The following NAV3 variants were observed in gnomAD, a reference collection of about 807,000 sequenced individuals.
NAV3 encodes the protein neuron navigator 3, also known as pore membrane and/or filament interacting like protein 1.
In NAV3, 87 loss-of-function variants were observed where a neutral mutation model predicts 244.7. The ratio of observed to expected loss-of-function variants is 0.36; its 90% confidence interval spans 0.30 to 0.42. The LOEUF (loss-of-function observed/expected upper bound fraction) is 0.42. Among genes scored for constraint, NAV3 ranks in the 20% least tolerant of loss-of-function variants. The pLI is 1.00. For synonymous variants in NAV3, 1,126 were observed against 1,042.2 expected (o/e 1.08, Z -1.55); for missense variants, 2,663 against 2,893.3 (o/e 0.92, Z 1.83).
rs564519993 is a variant in NAV3, at chr12:77,917,487, C to T, written c.244-22832C>T. On this transcript the variant is annotated intron_variant, in intron 1 of 39. Coordinates refer to ENST00000397909, the MANE Select transcript of NAV3 (RefSeq NM_001024383.2). ...CAGTTTTGTTCAATTATTTATGTATCGAGGGTTATTTCTCTGCTTAAGATT... is the reference window on the plus strand; with the variant it reads ...CAGTTTTGTTCAATTATTTATGTATTGAGGGTTATTTCTCTGCTTAAGATT... 5.3e-5 allele frequency among the ~76,000 whole-genome samples: 8 copies of T among 152,044 alleles called. No homozygotes were observed. The South Asian group carries it at 8.3e-4, about 16-fold the overall frequency.
intron 1 of NAV3, among the ~76,000 whole-genome samples, chr12:77,873,744 G>GTGTATGTATA (rs776225440): frequency 1.4e-5 from 1 of 73,180 alleles, no homozygotes; most frequent in African/African-American, 4.5e-5. Context: ...ATGTGTGTGT[G>GTGTATGTATA]TATATATATA....
chr12:77,648,393 G>A (rs958186094), intron 2 of NAV3, among the ~76,000 whole-genome samples: 1 of 151,980 alleles, frequency 6.6e-6, no homozygotes, highest in Non-Finnish European at 1.5e-5. Flanking sequence ...GGTGTTTTAT[G>A]TCAAAAATAT....
At chr12:77,626,952 A>T (rs1435871833) in intron 2 of NAV3, among the ~76,000 whole-genome samples, 1 of 152,190 alleles carries the variant, frequency 6.6e-6, no homozygotes, top group Non-Finnish European at 1.5e-5. Context: ...ACCAAATGGT[A>T]AAGCCAAACA....
At position 77,968,797 on chromosome 12, in the gene NAV3, T is replaced by A; in HGVS notation, c.671+95T>A. On this transcript the variant is annotated intron_variant, in intron 5 of 39. Coordinates refer to ENST00000397909, the MANE Select transcript of NAV3 (RefSeq NM_001024383.2). ...TTGTCCATGAGTTTGAAAAACGTACTCATGTGCTTGTATCAGTGTGATGGG... is the reference window on the plus strand; with the variant it reads ...TTGTCCATGAGTTTGAAAAACGTACACATGTGCTTGTATCAGTGTGATGGG... The A allele has an allele frequency of 1.1e-5, 13 of 1,205,580 alleles. No individual in the cohort carries two copies. The South Asian group carries it at 1.8e-4, about 16-fold the overall frequency. 74.7% of individuals were successfully genotyped at this position (1,205,580 alleles called of 1,614,324 possible). A position where few individuals can be genotyped will look rare whatever the true frequency, so the allele number is the denominator to read the frequency against.
At chr12:77,824,241 A>AT (rs61710960) in intron 2 of NAV3, among the ~76,000 whole-genome samples, 25,734 of 105,084 alleles carry the variant, frequency 0.24, 3,364 homozygotes, top group South Asian at 0.34. Flanking sequence ...GCCCAACTAA[A>AT]TTTTTTTTTT....
chr12:78,068,815 C>T (rs1375615711), intron 12 of NAV3, among the ~76,000 whole-genome samples: 1 of 151,154 alleles, frequency 6.6e-6, no homozygotes. Context: ...TAAAAGAGCA[C>T]TTATATGAGG....
intron 2 of NAV3, among the ~76,000 whole-genome samples, chr12:77,753,433 C>G (rs1445700328): frequency 6.6e-6 from 1 of 152,150 alleles, no homozygotes; most frequent in Admixed American, 6.5e-5. Context: ...AACTGTTGAA[C>G]TTAGCAGTAG....
intron 8 of NAV3, among the ~76,000 whole-genome samples, chr12:78,015,494 A>AT (rs34665457): frequency 0.26 from 39,067 of 151,586 alleles, 5,350 homozygotes; most frequent in Admixed American, 0.35. Flanking sequence ...TATTAAATGT[A>AT]TTTTTTTTGT....
intron 28 of NAV3, among the ~76,000 whole-genome samples, chr12:78,178,123 G>A (rs1344872091): frequency 6.7e-6 from 1 of 149,564 alleles, no homozygotes; most frequent in Non-Finnish European, 1.5e-5. Flanking sequence ...TCTGATAATA[G>A]TTATATTAAT....
intron 2 of NAV3, among the ~76,000 whole-genome samples, chr12:77,790,774 C>A (rs1871143574): frequency 6.6e-6 from 1 of 152,198 alleles, no homozygotes; most frequent in South Asian, 2.1e-4. Context: ...TGACTCTCAA[C>A]TCAGTGTCTA....
intron 22 of NAV3, among the ~76,000 whole-genome samples, chr12:78,153,325 T>G (rs1190745865): frequency 6.6e-6 from 1 of 152,010 alleles, no homozygotes; most frequent in Non-Finnish European, 1.5e-5. Flanking sequence ...CCCTCCCTTT[T>G]GTAAAGTTGT....
At chr12:77,856,525 G>A (rs1166716338) in intron 1 of NAV3, among the ~76,000 whole-genome samples, 1 of 151,840 alleles carries the variant, frequency 6.6e-6, no homozygotes, top group Non-Finnish European at 1.5e-5. Context: ...CTCAATCTTT[G>A]AATTTAAAAT....
At chr12:78,031,596 G>A (rs1311962059) in intron 9 of NAV3, among the ~76,000 whole-genome samples, 1 of 151,852 alleles carries the variant, frequency 6.6e-6, no homozygotes, top group Admixed American at 6.6e-5. Context: ...GGACATGGAT[G>A]AAATTGGAAA....
chr12:77,845,089 C>T lies in NAV3; in HGVS notation c.243+13385C>T, dbSNP rs116353617. ...AGAATATCAATAAGCATAGAACTAA[C>T]GAGAAAAATTTACACACAGTTTTGT... On this transcript the variant is annotated intron_variant, in intron 1 of 39. Coordinates refer to ENST00000397909, the MANE Select transcript of NAV3 (RefSeq NM_001024383.2). Among the ~76,000 whole-genome samples the T allele has an allele frequency of 6.0e-4, 91 of 151,998 alleles. 2 individuals carry two copies. In the South Asian group the frequency reaches 9.3e-3, roughly 16 times the overall value.
intron 15 of NAV3, 65 bp from the exon 16 acceptor site, chr12:78,121,875 C>G (rs964130468): frequency 6.3e-7 from 1 of 1,581,174 alleles, no homozygotes; most frequent in South Asian, 1.2e-5. Flanking sequence ...TACTGTAACC[C>G]GAAATATTAA....
At chr12:78,095,064 T>TATATATATATATATACAC (rs1272776469) in intron 12 of NAV3, among the ~76,000 whole-genome samples, 1 of 137,578 alleles carries the variant, frequency 7.3e-6, no homozygotes, top group African/African-American at 2.7e-5. Context: ...TATATATATA[T>TATATATATATATATACAC]ACACACACAC....
At chr12:77,873,894 A>T (rs1881457728) in intron 1 of NAV3, among the ~76,000 whole-genome samples, 1 of 150,858 alleles carries the variant, frequency 6.6e-6, no homozygotes, top group African/African-American at 2.4e-5. Flanking sequence ...CCCCTGGGCC[A>T]TGGACTGGTA....
intron 2 of NAV3, among the ~76,000 whole-genome samples, chr12:77,578,850 G>A (rs887609004): frequency 1.3e-5 from 2 of 151,830 alleles, no homozygotes; most frequent in South Asian, 4.1e-4. Flanking sequence ...CCAAGCAGCT[G>A]CCGACAGAGC....
intron 2 of NAV3, among the ~76,000 whole-genome samples, chr12:77,606,080 C>T (rs889705238): frequency 6.6e-6 from 1 of 152,066 alleles, no homozygotes; most frequent in Non-Finnish European, 1.5e-5. Context: ...TCTAGAGATA[C>T]CGTCTGAAAA....
Sources: gnomAD v4.1 joint callset for allele counts (sites outside exome capture counted in the v4.1 genomes callset) on GRCh38, gnomAD v4.1.1 for gene constraint, MANE v1.5 for transcripts, NCBI Gene and HGNC (gene_info 2026-07-23, HGNC 2026-07-21) for gene names.